PLCB4: variants seen among roughly 807,000 people sequenced by gnomAD.
PLCB4 encodes the protein phospholipase C beta 4.
Under a neutral mutation model 178.8 loss-of-function variants are expected in PLCB4, and 77 were observed. The observed-to-expected ratio is 0.43, with a 90% CI of 0.36 to 0.52. PLCB4 has a LOEUF of 0.52. PLCB4 is among the 20% of genes least tolerant of loss of function. PLCB4 has a pLI of 0.00. For missense variants in PLCB4, 1,024 were observed against 1,453.4 expected, an observed-to-expected ratio of 0.70 and a Z score of 4.80; for synonymous variants, 496 against 490.8, an observed-to-expected ratio of 1.01 and a Z score of -0.14.
At chr20:9,327,275 C>A (rs1327471298) in intron 4 of PLCB4, among the ~76,000 whole-genome samples, 2 of 131,694 alleles carry the variant, frequency 1.5e-5, no homozygotes, top group African/African-American at 7.7e-5. Flanking sequence ...TCTGTCTCTA[C>A]AAAAAAAAAT....
Position 9,352,154 on chromosome 20 carries a change from T to G in PLCB4, c.370-10742T>G, listed in dbSNP as rs987957109. 1.4e-4 allele frequency among the ~76,000 whole-genome samples: 21 copies of G among 152,220 alleles called. 1 individual carries two copies. Among genetic ancestry groups the G allele is most frequent in the Non-Finnish European group, 2.8e-4 (19 of 68,040 alleles). ...TGTTACATAAAATAAACCAAAAATC[T>G]TATTTTATTTTTGAAAGATTTCTGG... On this transcript the variant is annotated intron_variant, in intron 7 of 39. Coordinates refer to ENST00000378473, the MANE Select transcript of PLCB4 (RefSeq NM_001377142.1).
intron 4 of PLCB4, among the ~76,000 whole-genome samples, chr20:9,330,365 C>T (rs956613039): frequency 1.3e-5 from 2 of 152,190 alleles, no homozygotes; most frequent in African/African-American, 4.8e-5. Flanking sequence ...TTTTAACTTC[C>T]TCTCCATTCT....
At chr20:9,316,513 AG>A (rs781454520) in intron 4 of PLCB4, among the ~76,000 whole-genome samples, 5 of 152,192 alleles carry the variant, frequency 3.3e-5, no homozygotes, top group Non-Finnish European at 5.9e-5. Context: ...AAGGAAGGTG[AG>A]CTAGAGGCTT....
intron 21 of PLCB4, among the ~76,000 whole-genome samples, chr20:9,406,908 A>T (rs1420126297): frequency 1.3e-5 from 2 of 152,214 alleles, no homozygotes. Context: ...AATATTGATC[A>T]CTTTTGAAGG....
chr20:9,358,723 C>T (rs1234386107), intron 7 of PLCB4, among the ~76,000 whole-genome samples: 3 of 152,016 alleles, frequency 2.0e-5, no homozygotes, highest in Non-Finnish European at 4.4e-5. Flanking sequence ...GTCAAACCCC[C>T]TCTCTACTAA....
chr20:9,133,737 G>A (rs1013103534), intron 2 of PLCB4, among the ~76,000 whole-genome samples: 2 of 152,172 alleles, frequency 1.3e-5, no homozygotes, highest in African/African-American at 4.8e-5. Context: ...CACCCTCAGC[G>A]AGCTTTCCTC....
At chr20:9,411,737 C>G (rs1192747030) in intron 25 of PLCB4, among the ~76,000 whole-genome samples, 1 of 149,384 alleles carries the variant, frequency 6.7e-6, no homozygotes, top group Non-Finnish European at 1.5e-5. Context: ...AAAAAAAACA[C>G]AACTATGTGG....
At chr20:9,449,974 T>C (rs1483342176) in intron 32 of PLCB4, among the ~76,000 whole-genome samples, 4 of 152,174 alleles carry the variant, frequency 2.6e-5, no homozygotes, top group African/African-American at 9.7e-5. Context: ...CAGCACCCTC[T>C]GTGGTGCGAT....
At position 9,423,884 on chromosome 20, in the gene PLCB4, A is replaced by C. The variant is rs748759733; in HGVS notation, c.2456A>C (p.Lys819Thr). 1 of 1,613,716 alleles carries C rather than the reference A, an allele frequency of 6.2e-7. No individual in the cohort carries two copies. The highest frequency in any genetic ancestry group is 8.5e-7 in the Non-Finnish European group (1 of 1,179,602). The change falls in exon 28 of 40, where the codon AAA (lysine) becomes ACA (threonine). Residue 819 changes from lysine (K) to threonine (T), a missense_variant. Physicochemically the swap from Lys to Thr is moderately conservative, Grantham distance 78. Coordinates refer to ENST00000378473, the MANE Select transcript of PLCB4 (RefSeq NM_001377142.1). Reference protein sequence around the residue: ...RHISLRNEGNKPLSLPTIFCN... With the variant: ...RHISLRNEGNTPLSLPTIFCN... ...ATTTCCCTTCGAAATGAGGGAAATA[A>C]ACCATTATCACTACCAACAATTTTC...
chr20:9,242,477 A>G (rs1344648513), intron 3 of PLCB4, among the ~76,000 whole-genome samples: 1 of 152,258 alleles, frequency 6.6e-6, no homozygotes, highest in Non-Finnish European at 1.5e-5. Context: ...GTGATAATTC[A>G]TGTGAGCAAT....
intron 28 of PLCB4, among the ~76,000 whole-genome samples, chr20:9,429,984 G>A (rs2148613485): frequency 6.6e-6 from 1 of 151,660 alleles, no homozygotes; most frequent in South Asian, 2.1e-4. Context: ...GGCTTCCTTG[G>A]GCCACATTGG....
chr20:9,416,954 C>T (rs995831595), intron 25 of PLCB4, among the ~76,000 whole-genome samples: 33 of 151,980 alleles, frequency 2.2e-4, no homozygotes, highest in African/African-American at 8.0e-4. Context: ...TGACATTAAA[C>T]TTTAAAGAAA....
At chr20:9,298,935 C>G (rs188170587) in intron 3 of PLCB4, among the ~76,000 whole-genome samples, 2 of 152,030 alleles carry the variant, frequency 1.3e-5, no homozygotes, top group African/African-American at 4.8e-5. Flanking sequence ...ATAGCAAAGG[C>G]CATAGATTTC....
At chr20:9,450,997 A>G (rs2042736248) in intron 32 of PLCB4, among the ~76,000 whole-genome samples, 1 of 152,134 alleles carries the variant, frequency 6.6e-6, no homozygotes, top group Non-Finnish European at 1.5e-5. Context: ...AGATTTATAT[A>G]TGTTACACAA....
chr20:9,093,295 C>T (rs1025404766), intron 1 of PLCB4, among the ~76,000 whole-genome samples: 3 of 152,134 alleles, frequency 2.0e-5, no homozygotes, highest in African/African-American at 4.8e-5. Flanking sequence ...AGCTGACCTC[C>T]GTCATGTAAC....
intron 39 of PLCB4, among the ~76,000 whole-genome samples, chr20:9,478,150 G>A (rs1331322494): frequency 6.6e-6 from 1 of 152,124 alleles, no homozygotes; most frequent in Non-Finnish European, 1.5e-5. Context: ...TTTTTCCTAT[G>A]TTTCCAAGCA....
At chr20:9,280,427 T>G (rs2094484918) in intron 3 of PLCB4, 2 of 983,356 alleles carry the variant, frequency 2.0e-6, no homozygotes, top group South Asian at 9.4e-5. Context: ...GTTCTCCACT[T>G]CGATCTGAAA....
chr20:9,093,208 A>G (rs904223544), intron 1 of PLCB4, among the ~76,000 whole-genome samples: 3 of 152,222 alleles, frequency 2.0e-5, no homozygotes, highest in African/African-American at 7.2e-5. Flanking sequence ...GTTGCGAGCT[A>G]ATGGATGTTT....
intron 33 of PLCB4, among the ~76,000 whole-genome samples, chr20:9,455,202 G>A (rs116754089): frequency 0.021 from 3,149 of 152,196 alleles, 96 homozygotes; most frequent in African/African-American, 0.072. Context: ...TGACTTTATA[G>A]TACTCTCCAA....
Sources: gnomAD v4.1 joint callset for allele counts (sites outside exome capture counted in the v4.1 genomes callset) on GRCh38, gnomAD v4.1.1 for gene constraint, MANE v1.5 for transcripts, NCBI Gene and HGNC (gene_info 2026-07-23, HGNC 2026-07-21) for gene names.